The following DCC variants were observed in gnomAD, a reference collection of about 807,000 sequenced individuals.
The protein encoded by DCC is netrin receptor DCC.
Under a neutral mutation model 172.5 loss-of-function variants are expected in DCC, and 58 were observed. That is an observed-to-expected ratio of 0.34 (90% confidence interval 0.27 to 0.42). The LOEUF is 0.42. DCC is among the 10% of genes least tolerant of loss of function. DCC has a pLI of 1.00. For synonymous variants in DCC, 709 were observed against 644.5 expected, an observed-to-expected ratio of 1.10 and a Z score of -1.52; for missense variants, 1,740 against 1,791.0, an observed-to-expected ratio of 0.97 and a Z score of 0.51.
chr18:52,829,999 C>A lies in DCC; in HGVS notation c.413-76045C>A, dbSNP rs187905745. 2.4e-3 allele frequency among the ~76,000 whole-genome samples: 358 copies of A among 151,972 alleles called. 3 individuals are homozygous for A. The highest frequency in any genetic ancestry group is 1.8e-3 in the Non-Finnish European group (124 of 67,970). On this transcript the variant is annotated intron_variant, in intron 2 of 28. Coordinates refer to ENST00000442544, the MANE Select transcript of DCC (RefSeq NM_005215.4). ...GATCTGCAGGAAGTAAAGGTGCAAG[C>A]CTTAAAGATTTCTGGAGGGATGATG... is the stretch of plus-strand genomic sequence containing the variant.
At chr18:53,058,668 A>G (rs1057376475) in intron 5 of DCC, among the ~76,000 whole-genome samples, 2 of 152,172 alleles carry the variant, frequency 1.3e-5, no homozygotes, top group Non-Finnish European at 2.9e-5. Context: ...GCTGCCTTGC[A>G]GAATAGTGTA....
At chr18:52,885,680 C>T (rs1463283380) in intron 2 of DCC, among the ~76,000 whole-genome samples, 1 of 152,086 alleles carries the variant, frequency 6.6e-6, no homozygotes, top group Non-Finnish European at 1.5e-5. Context: ...ACCTAAAGTG[C>T]AAGACAAAGT....
intron 2 of DCC, among the ~76,000 whole-genome samples, chr18:52,834,547 T>TC (rs2038669750): frequency 6.6e-6 from 1 of 152,142 alleles, no homozygotes; most frequent in Non-Finnish European, 1.5e-5. Flanking sequence ...GGTGAGCTCG[T>TC]CTGGGGTGTT....
intron 1 of DCC, among the ~76,000 whole-genome samples, chr18:52,438,555 A>G (rs1374962000): frequency 6.6e-6 from 1 of 152,250 alleles, no homozygotes; most frequent in Admixed American, 6.5e-5. Context: ...AAGTTTTAAA[A>G]TTATGTGAAA....
At chr18:53,510,718 C>T (rs1344252007) in intron 27 of DCC, among the ~76,000 whole-genome samples, 1 of 152,178 alleles carries the variant, frequency 6.6e-6, no homozygotes, top group East Asian at 1.9e-4. Context: ...TTTATATTGG[C>T]TCCCCATTTA....
chr18:52,906,815 A>G (rs2039890348), intron 3 of DCC, among the ~76,000 whole-genome samples: 1 of 149,514 alleles, frequency 6.7e-6, no homozygotes, highest in African/African-American at 2.5e-5. Context: ...CAATATTAAA[A>G]TTAGGCTGAT....
At chr18:53,279,313 A>G (rs1468715457) in intron 12 of DCC, among the ~76,000 whole-genome samples, 3 of 152,038 alleles carry the variant, frequency 2.0e-5, no homozygotes, top group African/African-American at 7.2e-5. Context: ...AATACTATGC[A>G]GCCATAAAAA....
intron 1 of DCC, among the ~76,000 whole-genome samples, chr18:52,580,512 T>C (rs2033520311): frequency 6.6e-6 from 1 of 152,194 alleles, no homozygotes; most frequent in African/African-American, 2.4e-5. Flanking sequence ...CCAGTTTTAC[T>C]CCCTGAATTA....
At chr18:53,422,387 C>A (rs1257403622) in intron 21 of DCC, among the ~76,000 whole-genome samples, 11 of 152,124 alleles carry the variant, frequency 7.2e-5, no homozygotes, top group Non-Finnish European at 1.5e-4. Context: ...AGATTCACCT[C>A]TATGTATCTT....
At chr18:53,084,146 G>C (rs2042845296) in intron 7 of DCC, among the ~76,000 whole-genome samples, 1 of 152,144 alleles carries the variant, frequency 6.6e-6, no homozygotes, top group South Asian at 2.1e-4. Flanking sequence ...CTTTCTTTCT[G>C]GTGAAGGCTC....
At position 52,877,060 on chromosome 18, in the gene DCC, A is replaced by T. The variant is rs141612346; in HGVS notation, c.413-28984A>T. ...TAAAAATGTATTCATTGTTTACCTG[A>T]AATTCAAATTTAACTGGATGACCTG... On this transcript the variant is annotated intron_variant, in intron 2 of 28. Transcript: ENST00000442544. 2.1e-4 allele frequency among the ~76,000 whole-genome samples: 32 copies of T among 152,350 alleles called. No homozygotes were observed. The East Asian group carries it at 6.0e-3, about 28-fold the overall frequency.
At chr18:53,265,101 C>T (rs2056657605) in intron 12 of DCC, among the ~76,000 whole-genome samples, 1 of 152,184 alleles carries the variant, frequency 6.6e-6, no homozygotes, top group Non-Finnish European at 1.5e-5. Flanking sequence ...AAGCATACTC[C>T]ATGTCAGAAG....
chr18:53,025,217 A>G (rs1334385228), intron 5 of DCC, among the ~76,000 whole-genome samples: 2 of 152,168 alleles, frequency 1.3e-5, no homozygotes, highest in Non-Finnish European at 2.9e-5. Flanking sequence ...AAAAATAGCT[A>G]TTTAAAACCA....
chr18:52,572,429 G>A (rs973380066), intron 1 of DCC, among the ~76,000 whole-genome samples: 1 of 152,162 alleles, frequency 6.6e-6, no homozygotes, highest in Admixed American at 6.6e-5. Flanking sequence ...GTCTTTCCCT[G>A]GTTCCTGAGG....
At position 52,906,085 on chromosome 18, in the gene DCC, T is replaced by G; in HGVS notation, c.454T>G (p.Phe152Val). 1 of 1,613,312 alleles carries G rather than the reference T, an allele frequency of 6.2e-7. No individual in the cohort carries two copies. The highest frequency in any genetic ancestry group is 8.5e-7 in the Non-Finnish European group (1 of 1,179,246). Residue 152 changes from phenylalanine (F) to valine (V), a missense_variant, in exon 3 of 29, where the codon TTC becomes GTC. Phe to Val is a conservative substitution (Grantham distance 50). Coordinates refer to ENST00000442544, the MANE Select transcript of DCC (RefSeq NM_005215.4). Reference sequence around the variant, plus strand: ...TTCACAGACAGAATCTGTCACAGCCTTCATGGGAGACACAGTGCTACTCAA... The same window carrying G: ...TTCACAGACAGAATCTGTCACAGCCGTCATGGGAGACACAGTGCTACTCAA... ...FLSQTESVTA[F>V]MGDTVLLKCE...
intron 15 of DCC, among the ~76,000 whole-genome samples, chr18:53,359,179 T>G (rs2057917450): frequency 6.6e-6 from 1 of 152,140 alleles, no homozygotes; most frequent in Non-Finnish European, 1.5e-5. Context: ...AATAGAGAGA[T>G]AACTTGAGTG....
At chr18:52,417,398 C>T (rs1351538206) in intron 1 of DCC, among the ~76,000 whole-genome samples, 1 of 151,878 alleles carries the variant, frequency 6.6e-6, no homozygotes, top group South Asian at 2.1e-4. Flanking sequence ...CTCTGTATTT[C>T]CTGAATCTGA....
At chr18:53,326,643 A>G (rs1280303217) in intron 14 of DCC, among the ~76,000 whole-genome samples, 1 of 152,192 alleles carries the variant, frequency 6.6e-6, no homozygotes, top group Non-Finnish European at 1.5e-5. Flanking sequence ...TATTCATCTC[A>G]TTTTAATGTA....
At chr18:52,352,440 T>C (rs1259428323) in intron 1 of DCC, among the ~76,000 whole-genome samples, 1 of 152,236 alleles carries the variant, frequency 6.6e-6, no homozygotes, top group Non-Finnish European at 1.5e-5. Context: ...TAGAGGCTCA[T>C]AGGTCCAGCT....
Sources: allele counts gnomAD v4.1 joint callset (sites outside exome capture counted in the v4.1 genomes callset), GRCh38; gene constraint gnomAD v4.1.1; transcripts MANE v1.5; gene names NCBI Gene and HGNC (gene_info 2026-07-23, HGNC 2026-07-21).